The following EMC1 variants were observed in gnomAD, a reference collection of about 807,000 sequenced individuals.
The protein encoded by EMC1 is ER membrane protein complex subunit 1.
EMC1 carries 103 observed loss-of-function variants against 128.8 expected under a neutral mutation model. That is an observed-to-expected ratio of 0.80 (90% CI 0.68 to 0.94). The LOEUF is 0.94. EMC1 is among the 40% of genes least tolerant of loss of function. The probability of loss-of-function intolerance (pLI) is 0.00; values close to 1 mark genes in which losing one functional copy is unlikely to be tolerated. For missense variants in EMC1, 1,083 were observed against 1,250.6 expected (o/e 0.87, Z 2.02); for synonymous variants, 442 against 490.4 (o/e 0.90, Z 1.30).
chr1:19,218,907 C>A lies in EMC1; in HGVS notation c.*396G>T. 5.9e-6 allele frequency: 1 copy of A among 170,200 alleles called. No homozygotes were observed. The highest frequency in any genetic ancestry group is 1.3e-5 in the Non-Finnish European group (1 of 78,302). 10.5% of individuals were successfully genotyped at this position (170,200 alleles called of 1,614,324 possible). ...GAGATGGAAAAAGTCAGAAAGATTT[C>A]TAGATAAAATTGAGAAACACAAAAG... On this transcript the variant is annotated 3_prime_UTR_variant, in exon 23 of 23. Coordinates refer to ENST00000477853, the MANE Select transcript of EMC1 (RefSeq NM_015047.3).
chr1:19,245,107 A>G, intron 1 of EMC1, 77 bp from the exon 2 acceptor site: 6 of 1,507,194 alleles, frequency 4.0e-6, no homozygotes, highest in Non-Finnish European at 4.6e-6. Context: ...AAAAAATCAC[A>G]GGGCTATCAC....
chr1:19,222,208 C>A (rs547294768), intron 20 of EMC1, among the ~76,000 whole-genome samples: 206 of 152,150 alleles, frequency 1.4e-3, no homozygotes, highest in African/African-American at 4.8e-3. Flanking sequence ...ACCTGTAATC[C>A]CAACACTTCA....
At chr1:19,222,880 A>T (rs372855842) in intron 19 of EMC1, 46 bp from the exon 20 acceptor site, 18 of 1,478,638 alleles carry the variant, frequency 1.2e-5, no homozygotes, top group East Asian at 4.6e-5. Flanking sequence ...AGCTGCTTCA[A>T]CTGGAAAGGG....
intron 13 of EMC1, chr1:19,234,337 G>A (rs994203149): frequency 4.9e-6 from 1 of 202,788 alleles, no homozygotes. Context: ...GAGAGAGGGT[G>A]GGGGGCAGGA....
At chr1:19,223,988 T>G (rs1197754607) in intron 18 of EMC1, among the ~76,000 whole-genome samples, 1 of 152,206 alleles carries the variant, frequency 6.6e-6, no homozygotes, top group East Asian at 1.9e-4. Context: ...CTAAATCCAG[T>G]GGCTAAGTCT....
At chr1:19,222,924 A>G in intron 19 of EMC1, 90 bp from the exon 20 acceptor site, 1 of 929,542 alleles carries the variant, frequency 1.1e-6, no homozygotes, top group Non-Finnish European at 1.6e-6. Context: ...CTAATTAGCT[A>G]CAGATCCATG....
Position 19,231,157 on chromosome 1 carries a change from G to A in EMC1, c.1944+104C>T, listed in dbSNP as rs552578788. On this transcript the variant is annotated intron_variant, in intron 16 of 22. Transcript: ENST00000477853. ...CGGGATGGCCTTAGAGCCCAAACAC[G>A]TGCTGGGTGCAGAGAGCACTCCATC... is the stretch of plus-strand genomic sequence containing the variant. 3.0e-5 allele frequency: 42 copies of A among 1,386,824 alleles called. No individual in the cohort carries two copies. The East Asian group carries it at 6.6e-4, about 22-fold the overall frequency. The allele number at this position is 1,386,824 out of a possible 1,614,324, so 85.9% of individuals were successfully genotyped here.
intron 19 of EMC1, 76 bp downstream of exon 19, chr1:19,223,320 A>G: frequency 7.3e-7 from 1 of 1,366,534 alleles, no homozygotes; most frequent in Non-Finnish European, 1.0e-6. Context: ...CAAAGCAGCA[A>G]CTGGGTTTCT....
chr1:19,238,420 G>C (rs1321871672), intron 10 of EMC1, among the ~76,000 whole-genome samples: 14 of 152,180 alleles, frequency 9.2e-5, no homozygotes, highest in Non-Finnish European at 2.9e-5. Context: ...AGGTAAGACT[G>C]AGCAAGACAG....
Position 19,218,986 on chromosome 1 carries a change from TA to T in EMC1, c.*316del. ...CACAAAAATCAGCCGGAATTCTTAT[TA>T]AAAAAAACAAAACAGAACATTCATG... On this transcript the variant is annotated 3_prime_UTR_variant, in exon 23 of 23. Transcript: ENST00000477853. 5.9e-6 allele frequency: 1 copy of T among 169,476 alleles called. No homozygotes were observed. Among genetic ancestry groups the T allele is most frequent in the Non-Finnish European group, 1.1e-5 (1 of 89,162 alleles). 10.5% of individuals were successfully genotyped at this position (169,476 alleles called of 1,614,324 possible).
At chr1:19,241,672 T>C (rs1194503806) in intron 5 of EMC1, among the ~76,000 whole-genome samples, 1 of 152,080 alleles carries the variant, frequency 6.6e-6, no homozygotes, top group Non-Finnish European at 1.5e-5. Flanking sequence ...CGCACCACCA[T>C]GCCTGGCTAA....
At position 19,251,480 on chromosome 1, in the gene EMC1, C is replaced by T; in HGVS notation, c.30G>A (p.Trp10Ter). MAAEWASRF[W>*]LWATLLIPAA... ...CAGGAATCAGCAGCGTAGCCCAAAG[C>T]CAGAAACGAGAAGCCCACTCAGCCG... Residue 10 changes from tryptophan (W) to a stop codon, truncating the protein, a stop_gained, in exon 1 of 23, where the codon TGG becomes TGA. Transcript: ENST00000477853. LOFTEE classifies it high-confidence loss of function. 6.2e-7 allele frequency: 1 copy of T among 1,614,188 alleles called. No homozygotes were observed. Among genetic ancestry groups the T allele is most frequent in the Non-Finnish European group, 8.5e-7 (1 of 1,180,044 alleles).
At position 19,251,402 on chromosome 1, in the gene EMC1, C is replaced by T. The variant is rs749880929; in HGVS notation, c.95+13G>A. On this transcript the variant is annotated intron_variant, in intron 1 of 22. Coordinates refer to ENST00000477853, the MANE Select transcript of EMC1 (RefSeq NM_015047.3). ...AGCCACTTATCTCTCGAATATGTTC[C>T]ACACGTACGCACCAATCAAACTTGC... is the stretch of plus-strand genomic sequence containing the variant. 1.9e-5 allele frequency: 31 copies of T among 1,612,000 alleles called. No homozygotes were observed. Among genetic ancestry groups the T allele is most frequent in the Non-Finnish European group, 2.5e-5 (29 of 1,178,092 alleles).
intron 7 of EMC1, 78 bp downstream of exon 7, chr1:19,240,219 C>G (rs2093596450): frequency 1.3e-6 from 2 of 1,570,606 alleles, no homozygotes; most frequent in Non-Finnish European, 1.7e-6. Flanking sequence ...GAGAAAGACC[C>G]TCCAGGGGAA....
In EMC1 at chr1:19,219,072, G is replaced by T. The variant is rs1202624226; in HGVS notation, c.*231C>A. 3 of 482,998 alleles carry T rather than the reference G, an allele frequency of 6.2e-6. No individual in the cohort carries two copies. The allele number at this position is 482,998 out of a possible 1,614,324, so 29.9% of individuals were successfully genotyped here. A position where few individuals can be genotyped will look rare whatever the true frequency, so the allele number is the denominator to read the frequency against. ...TGGACTTCAAGAGAAAGCCCATCAGGAATCTCTGAGAGTGTCAGCTGAGAG... is the reference window on the plus strand; with the variant it reads ...TGGACTTCAAGAGAAAGCCCATCAGTAATCTCTGAGAGTGTCAGCTGAGAG... On this transcript the variant is annotated 3_prime_UTR_variant, in exon 23 of 23. Transcript: ENST00000477853.
In EMC1 at chr1:19,238,075, C is replaced by T. The variant is rs773121209; in HGVS notation, c.1154G>A (p.Arg385Gln). 8.1e-6 allele frequency: 13 copies of T among 1,614,116 alleles called. No homozygotes were observed. The highest frequency in any genetic ancestry group is 1.6e-4 in the Middle Eastern group (1 of 6,062). Reference protein sequence around the residue: ...INLYLVETGRRLLDTTITFSL... With the variant: ...INLYLVETGRQLLDTTITFSL... ...AAATGTTATCGTGGTGTCCAGCAGC[C>T]GCCGACCTGTCTCCACGAGGTATAG... Residue 385 changes from arginine (R) to glutamine (Q), a missense_variant, in exon 11 of 23, where the codon CGG becomes CAG. By Grantham distance (43) the Arg-to-Gln change is conservative (BLOSUM62 1). Coordinates refer to ENST00000477853, the MANE Select transcript of EMC1 (RefSeq NM_015047.3).
chr1:19,250,687 T>C (rs924497415), intron 1 of EMC1, among the ~76,000 whole-genome samples: 1 of 152,198 alleles, frequency 6.6e-6, no homozygotes, highest in African/African-American at 2.4e-5. Context: ...AGTAATTTAA[T>C]GGGATTGTCT....
chr1:19,230,753 G>C, intron 17 of EMC1, 91 bp downstream of exon 17: 1 of 1,475,570 alleles, frequency 6.8e-7, no homozygotes, highest in Non-Finnish European at 9.3e-7. Flanking sequence ...GTTTACAGTA[G>C]AATGAGTAGC....
At chr1:19,222,888 G>C in intron 19 of EMC1, 54 bp from the exon 20 acceptor site, 2 of 1,421,350 alleles carry the variant, frequency 1.4e-6, no homozygotes, top group Non-Finnish European at 1.9e-6. Context: ...CAACTGGAAA[G>C]GGAAATTGCA....
Sources: allele counts gnomAD v4.1 joint callset (sites outside exome capture counted in the v4.1 genomes callset), GRCh38; gene constraint gnomAD v4.1.1; transcripts MANE v1.5; gene names NCBI Gene and HGNC (gene_info 2026-07-23, HGNC 2026-07-21).